ADAMTS3: variants seen among roughly 807,000 people sequenced by gnomAD.
ADAMTS3 encodes A disintegrin and metalloproteinase with thrombospondin motifs 3.
Under a neutral mutation model 129.0 loss-of-function variants are expected in ADAMTS3, and 73 were observed. The ratio of observed to expected loss-of-function variants is 0.57; its 90% CI spans 0.47 to 0.69. The LOEUF (loss-of-function observed/expected upper bound fraction) is 0.69, where lower values mean the gene tolerates loss of function less well. Ranked by LOEUF, ADAMTS3 falls within the 30% of genes least tolerant of loss-of-function variation. The pLI is 0.00. For missense variants in ADAMTS3, 1,457 were observed against 1,514.5 expected (o/e 0.96, Z 0.63); for synonymous variants, 477 against 510.8 (o/e 0.93, Z 0.89).
chr4:72,422,535 A>C (rs1431539356), intron 3 of ADAMTS3, among the ~76,000 whole-genome samples: 1 of 152,026 alleles, frequency 6.6e-6, no homozygotes, highest in Non-Finnish European at 1.5e-5. Context: ...AGCATTTCGG[A>C]GGGGATATTT....
intron 3 of ADAMTS3, among the ~76,000 whole-genome samples, chr4:72,542,127 A>G (rs1229809165): frequency 1.3e-5 from 2 of 151,926 alleles, no homozygotes; most frequent in Non-Finnish European, 2.9e-5. Context: ...CATCCTAAGA[A>G]GTACTAAACA....
chr4:72,503,307 C>T (rs1354523189), intron 3 of ADAMTS3, among the ~76,000 whole-genome samples: 1 of 152,208 alleles, frequency 6.6e-6, no homozygotes, highest in Non-Finnish European at 1.5e-5. Flanking sequence ...AGCCGTGAGA[C>T]ACCACTCCCA....
chr4:72,526,492 TAATA>T (rs1720809715), intron 3 of ADAMTS3, among the ~76,000 whole-genome samples: 3 of 150,120 alleles, frequency 2.0e-5, no homozygotes, highest in East Asian at 2.0e-4. Context: ...CAAAATATAC[TAATA>T]AATATATAGA....
At chr4:72,364,585 G>T (rs575089846) in intron 4 of ADAMTS3, among the ~76,000 whole-genome samples, 4 of 150,590 alleles carry the variant, frequency 2.7e-5, no homozygotes, top group Admixed American at 2.0e-4. Flanking sequence ...CCGCACTCCA[G>T]CCTGGGTGAT....
chr4:72,490,924 A>T lies in ADAMTS3; in HGVS notation c.504+57554T>A, dbSNP rs564133071. The stretch of plus-strand genomic sequence containing the variant: ...GAGTCTGTATATAACTTTGGTTAGT[A>T]ACATTTTAACAATATTAATTCTTCC... On this transcript the variant is annotated intron_variant, in intron 3 of 21. Coordinates refer to ENST00000286657, the MANE Select transcript of ADAMTS3 (RefSeq NM_014243.3). Among the ~76,000 whole-genome samples, 13 of 152,006 alleles carry T rather than the reference A, an allele frequency of 8.6e-5. No homozygotes were observed. In the East Asian group the frequency reaches 2.3e-3, roughly 27 times the overall value.
rs186383045 is a variant in ADAMTS3 at position 72,282,683 on chromosome 4, C to T, written c.*453G>A. On this transcript the variant is annotated 3_prime_UTR_variant, in exon 22 of 22. Coordinates refer to ENST00000286657, the MANE Select transcript of ADAMTS3 (RefSeq NM_014243.3). ...TTTACACAACAGCTGCAAATTTGCT[C>T]ATACAATATTTCTAATATAGATAAA... 1 of 153,760 alleles carries T rather than the reference C, an allele frequency of 6.5e-6. No individual in the cohort carries two copies. Among genetic ancestry groups the T allele is most frequent in the East Asian group, 1.9e-4 (1 of 5,190 alleles). 9.5% of individuals were successfully genotyped at this position (153,760 alleles called of 1,614,324 possible).
At chr4:72,285,542 A>G (rs1718483407) in intron 21 of ADAMTS3, among the ~76,000 whole-genome samples, 1 of 151,760 alleles carries the variant, frequency 6.6e-6, no homozygotes, top group African/African-American at 2.4e-5. Context: ...TAGAAGTACG[A>G]CCTGTTTTCT....
chr4:72,497,397 G>A (rs1183157127), intron 3 of ADAMTS3, among the ~76,000 whole-genome samples: 3 of 151,766 alleles, frequency 2.0e-5, no homozygotes, highest in Non-Finnish European at 4.4e-5. Context: ...TCTACAGAAT[G>A]TAACTATAAA....
chr4:72,474,039 C>A (rs1221839097), intron 3 of ADAMTS3, among the ~76,000 whole-genome samples: 2 of 152,144 alleles, frequency 1.3e-5, no homozygotes, highest in East Asian at 1.9e-4. Context: ...CTACACCTGG[C>A]AGTAACAAGG....
At chr4:72,375,500 G>T (rs1447809228) in intron 4 of ADAMTS3, among the ~76,000 whole-genome samples, 1 of 152,166 alleles carries the variant, frequency 6.6e-6, no homozygotes, top group African/African-American at 2.4e-5. Context: ...TGTGATGAGT[G>T]CTGGGAAGAG....
intron 3 of ADAMTS3, among the ~76,000 whole-genome samples, chr4:72,491,283 C>T (rs1314581023): frequency 6.6e-6 from 1 of 151,502 alleles, no homozygotes; most frequent in Non-Finnish European, 1.5e-5. Flanking sequence ...GACAATTTTT[C>T]TTCTTTTTGT....
intron 4 of ADAMTS3, among the ~76,000 whole-genome samples, chr4:72,406,602 G>A (rs1410391954): frequency 6.6e-6 from 1 of 152,096 alleles, no homozygotes; most frequent in Non-Finnish European, 1.5e-5. Flanking sequence ...TAGTGTAGTT[G>A]TCATTAGGTA....
chr4:72,335,585 T>C (rs1719968652), intron 5 of ADAMTS3, among the ~76,000 whole-genome samples: 1 of 152,190 alleles, frequency 6.6e-6, no homozygotes, highest in African/African-American at 2.4e-5. Flanking sequence ...ACTGTCTTTT[T>C]TTAATGATTA....
intron 5 of ADAMTS3, among the ~76,000 whole-genome samples, chr4:72,337,686 A>C (rs1431988394): frequency 6.6e-6 from 1 of 152,150 alleles, no homozygotes; most frequent in Non-Finnish European, 1.5e-5. Flanking sequence ...TTATCACTTC[A>C]TGATTGGATA....
At position 72,414,884 on chromosome 4, in the gene ADAMTS3, G is replaced by T; in HGVS notation, c.592C>A (p.His198Asn). 1 of 1,584,324 alleles carries T rather than the reference G, an allele frequency of 6.3e-7. No individual in the cohort carries two copies. The stretch of plus-strand genomic sequence containing the variant: ...ACAGCTGATCTCTTGTAGACAACAT[G>T]AATCCTTCCTTTTTCTTCCTCCATC... ...KQMEEEKGRI[H>N]VVYKRSAVEQ... Residue 198 changes from histidine to asparagine, a missense_variant, in exon 4 of 22, where the codon CAT becomes AAT. His to Asn is a moderately conservative substitution (Grantham distance 68). Transcript: ENST00000286657.
intron 3 of ADAMTS3, among the ~76,000 whole-genome samples, chr4:72,546,065 A>G (rs928675216): frequency 1.3e-5 from 2 of 152,198 alleles, no homozygotes; most frequent in African/African-American, 4.8e-5. Context: ...GAAGGGATCA[A>G]ATCACAGAGC....
intron 5 of ADAMTS3, among the ~76,000 whole-genome samples, chr4:72,333,815 T>C (rs552560496): frequency 6.6e-6 from 1 of 151,428 alleles, no homozygotes; most frequent in East Asian, 2.0e-4. Flanking sequence ...TTCTTTTTTG[T>C]TGTTTTGTTG....
chr4:72,568,369 G>C (rs1280415558), intron 1 of ADAMTS3, among the ~76,000 whole-genome samples: 1 of 152,164 alleles, frequency 6.6e-6, no homozygotes, highest in Non-Finnish European at 1.5e-5. Flanking sequence ...CCTCCAGAAA[G>C]GGGAAGCCCA....
In ADAMTS3 at chr4:72,518,244, C is replaced by G. The variant is rs374191321; in HGVS notation, c.504+30234G>C. ...TGTTCTTTTACATTTGCTGAGGAGA[C>G]CTTTACTTCCAAGTATGTGGTCAAT... On this transcript the variant is annotated intron_variant, in intron 3 of 21. Transcript: ENST00000286657. Among the ~76,000 whole-genome samples the G allele has an allele frequency of 4.2e-3, 645 of 151,964 alleles. 6 individuals carry two copies. Among genetic ancestry groups the G allele is most frequent in the African/African-American group, 0.013 (522 of 41,438 alleles).
Sources: gnomAD v4.1 joint callset for allele counts (sites outside exome capture counted in the v4.1 genomes callset) on GRCh38, gnomAD v4.1.1 for gene constraint, MANE v1.5 for transcripts, NCBI Gene and HGNC (gene_info 2026-07-23, HGNC 2026-07-21) for gene names.